Variants in WDR72 observed in about 807,000 individuals in gnomAD.
WDR72 encodes WD repeat-containing protein 72.
In WDR72, 120 loss-of-function variants were observed where a neutral mutation model predicts 124.2. The observed-to-expected ratio is 0.97, with a 90% confidence interval of 0.83 to 1.12. The LOEUF (loss-of-function observed/expected upper bound fraction) is 1.12. Ranked by LOEUF, WDR72 falls within the 50% of genes most tolerant of loss-of-function variation. The pLI, the probability that WDR72 is intolerant of heterozygous loss-of-function variation, is 0.00. For missense variants in WDR72, 1,387 were observed against 1,278.8 expected (o/e 1.08, Z -1.29); for synonymous variants, 452 against 441.7 (o/e 1.02, Z -0.29).
At chr15:53,745,305 G>A (rs2018617541) in intron 1 of WDR72, among the ~76,000 whole-genome samples, 1 of 152,120 alleles carries the variant, frequency 6.6e-6, no homozygotes, top group Non-Finnish European at 1.5e-5. Context: ...TTTGTACTGT[G>A]GATAGAGATT....
At position 53,515,008 on chromosome 15, in the gene WDR72, C is replaced by CATATATATATAT. The variant is rs201133545; in HGVS notation, c.*2679_*2690dup. Reference sequence around the variant, plus strand: ...TATGATATTCCTTTGGGGGATATGCCATATATATATATATATACACACATA... The same window carrying CATATATATATAT: ...TATGATATTCCTTTGGGGGATATGCCATATATATATATATATATATATATATATACACACATA... On this transcript the variant is annotated 3_prime_UTR_variant, in exon 20 of 20. Transcript: ENST00000360509. 1.5e-5 allele frequency: 1 copy of CATATATATATAT among 65,304 alleles called. No individual in the cohort carries two copies. Among genetic ancestry groups the CATATATATATAT allele is most frequent in the South Asian group, 4.9e-4 (1 of 2,044 alleles). The allele number at this position is 65,304 out of a possible 1,614,324, so 4.0% of individuals were successfully genotyped here.
At chr15:53,695,938 T>G (rs897848141) in intron 13 of WDR72, among the ~76,000 whole-genome samples, 5 of 152,164 alleles carry the variant, frequency 3.3e-5, no homozygotes, top group African/African-American at 7.2e-5. Context: ...GCACAGGGAC[T>G]TATGCTATAC....
chr15:53,647,680 C>A (rs1388097967), intron 14 of WDR72, among the ~76,000 whole-genome samples: 1 of 152,048 alleles, frequency 6.6e-6, no homozygotes, highest in Non-Finnish European at 1.5e-5. Flanking sequence ...GAGCAGAGAC[C>A]CCTTCTGACC....
chr15:53,633,059 T>C (rs2014492306), intron 14 of WDR72, among the ~76,000 whole-genome samples: 1 of 152,092 alleles, frequency 6.6e-6, no homozygotes, highest in Non-Finnish European at 1.5e-5. Flanking sequence ...GAGAAGGAGA[T>C]GATATTTGGG....
Position 53,702,162 on chromosome 15 carries a change from C to T in WDR72, c.1541G>A (p.Ser514Asn). 1 of 1,613,834 alleles carries T rather than the reference C, an allele frequency of 6.2e-7. No individual in the cohort carries two copies. Among genetic ancestry groups the T allele is most frequent in the Non-Finnish European group, 8.5e-7 (1 of 1,179,954 alleles). The change falls in exon 12 of 20, where the codon AGT becomes AAT. Residue 514 changes from serine to asparagine, a missense_variant. By Grantham distance (46) the Ser-to-Asn change is conservative. Coordinates refer to ENST00000360509, the MANE Select transcript of WDR72 (RefSeq NM_182758.4). ...AAACTTCTCTGGTGACATCAAAAGACTTGTTACTGGACCAGCTTCCAAAAA... is the reference window on the plus strand; with the variant it reads ...AAACTTCTCTGGTGACATCAAAAGATTTGTTACTGGACCAGCTTCCAAAAA... ...KFFLEAGPVT[S>N]LLMSPEKFKL...
At chr15:53,701,327 C>A (rs1467162118) in intron 12 of WDR72, among the ~76,000 whole-genome samples, 3 of 152,070 alleles carry the variant, frequency 2.0e-5, no homozygotes, top group African/African-American at 4.8e-5. Flanking sequence ...AGATTCCTTG[C>A]ACCCAGGAGT....
At chr15:53,584,408 C>T (rs1315454801) in intron 18 of WDR72, among the ~76,000 whole-genome samples, 2 of 151,850 alleles carry the variant, frequency 1.3e-5, no homozygotes, top group Non-Finnish European at 2.9e-5. Flanking sequence ...CTTTCCCTCC[C>T]CTATGTAATG....
intron 17 of WDR72, among the ~76,000 whole-genome samples, chr15:53,607,567 C>A (rs1466102178): frequency 2.0e-5 from 3 of 152,028 alleles, no homozygotes; most frequent in African/African-American, 7.2e-5. Context: ...CAAACTACTA[C>A]AAGAAAACAT....
At chr15:53,748,411 A>G (rs1243969758) in intron 1 of WDR72, among the ~76,000 whole-genome samples, 1 of 152,214 alleles carries the variant, frequency 6.6e-6, no homozygotes. Flanking sequence ...CACCTTAATC[A>G]TAAGTGTCCA....
chr15:53,522,456 T>C (rs1453024825), intron 19 of WDR72, among the ~76,000 whole-genome samples: 1 of 152,042 alleles, frequency 6.6e-6, no homozygotes, highest in Non-Finnish European at 1.5e-5. Flanking sequence ...GATAATAAGG[T>C]ACCTTCTAGC....
chr15:53,596,434 C>T (rs1051341049), intron 18 of WDR72, among the ~76,000 whole-genome samples: 28 of 151,858 alleles, frequency 1.8e-4, no homozygotes, highest in African/African-American at 4.4e-4. Flanking sequence ...GTGACAGTGA[C>T]GAAGTTTGTT....
chr15:53,607,656 T>C (rs557521768), intron 17 of WDR72, among the ~76,000 whole-genome samples: 2 of 152,014 alleles, frequency 1.3e-5, no homozygotes, highest in Admixed American at 6.6e-5. Flanking sequence ...AATGGACAAA[T>C]GGAATCACAT....
At chr15:53,669,209 G>A (rs1300154046) in intron 13 of WDR72, among the ~76,000 whole-genome samples, 1 of 152,128 alleles carries the variant, frequency 6.6e-6, no homozygotes, top group Non-Finnish European at 1.5e-5. Flanking sequence ...TACTCTTTGG[G>A]TAGTTTTGTA....
At chr15:53,706,862 C>A (rs2017394622) in intron 9 of WDR72, among the ~76,000 whole-genome samples, 1 of 151,622 alleles carries the variant, frequency 6.6e-6, no homozygotes, top group South Asian at 2.1e-4. Flanking sequence ...TAATATTGTA[C>A]ATTGTATCTA....
chr15:53,734,312 A>G (rs1026126071), intron 1 of WDR72, among the ~76,000 whole-genome samples: 1 of 152,146 alleles, frequency 6.6e-6, no homozygotes, highest in African/African-American at 2.4e-5. Context: ...ATACACTTGC[A>G]TTATTCTAAC....
intron 18 of WDR72, among the ~76,000 whole-genome samples, chr15:53,569,428 C>A (rs1894425722): frequency 6.6e-6 from 1 of 152,018 alleles, no homozygotes; most frequent in Non-Finnish European, 1.5e-5. Flanking sequence ...GCCACACAGG[C>A]AACCTGAGAG....
intron 1 of WDR72, among the ~76,000 whole-genome samples, chr15:53,733,619 C>A (rs1475179641): frequency 1.3e-5 from 2 of 152,118 alleles, no homozygotes; most frequent in African/African-American, 4.8e-5. Context: ...AAAAATAAAT[C>A]TTTTCCATAA....
chr15:53,675,699 T>C (rs1427055664), intron 13 of WDR72, among the ~76,000 whole-genome samples: 6 of 152,206 alleles, frequency 3.9e-5, no homozygotes, highest in African/African-American at 1.4e-4. Flanking sequence ...GATTTGAGTC[T>C]GTTCATTTAT....
At chr15:53,717,948 G>C (rs180910636) in intron 3 of WDR72, among the ~76,000 whole-genome samples, 13 of 152,132 alleles carry the variant, frequency 8.5e-5, no homozygotes, top group African/African-American at 3.1e-4. Flanking sequence ...AATAAGATTG[G>C]GAGGAAGGTA....
Sources: gnomAD v4.1 joint callset for allele counts (sites outside exome capture counted in the v4.1 genomes callset) on GRCh38, gnomAD v4.1.1 for gene constraint, MANE v1.5 for transcripts, NCBI Gene and HGNC (gene_info 2026-07-23, HGNC 2026-07-21) for gene names.